Variants in LIMD1 observed in about 807,000 individuals in gnomAD.
The protein encoded by LIMD1 is LIM domain-containing protein 1.
LIMD1 carries 23 observed loss-of-function variants against 58.4 expected under a neutral mutation model. The observed-to-expected ratio is 0.39, with a 90% CI of 0.28 to 0.56. The LOEUF (loss-of-function observed/expected upper bound fraction) is 0.56. Among genes scored for constraint, LIMD1 ranks in the 20% least tolerant of loss-of-function variants. The pLI, the probability that LIMD1 is intolerant of heterozygous loss-of-function variation, is 0.57. For synonymous variants in LIMD1, 334 were observed against 345.5 expected (o/e 0.97, Z 0.37); for missense variants, 838 against 855.5 (o/e 0.98, Z 0.25).
At chr3:45,620,185 A>G (rs1701617114) in intron 1 of LIMD1, among the ~76,000 whole-genome samples, 1 of 152,148 alleles carries the variant, frequency 6.6e-6, no homozygotes, top group South Asian at 2.1e-4. Flanking sequence ...TGTTGATGCA[A>G]AGATCCTGGG....
chr3:45,629,237 C>T (rs557128716), intron 1 of LIMD1, among the ~76,000 whole-genome samples: 3 of 151,746 alleles, frequency 2.0e-5, no homozygotes, highest in Non-Finnish European at 4.4e-5. Context: ...CATGGTGAAA[C>T]TCTTGTCTCT....
At chr3:45,625,068 G>T (rs1701657883) in intron 1 of LIMD1, among the ~76,000 whole-genome samples, 1 of 151,340 alleles carries the variant, frequency 6.6e-6, no homozygotes, top group African/African-American at 2.5e-5. Flanking sequence ...CAGTTTTGCC[G>T]TATGTTAATG....
intron 4 of LIMD1, among the ~76,000 whole-genome samples, chr3:45,672,033 G>A (rs1257040935): frequency 6.6e-6 from 1 of 152,184 alleles, no homozygotes. Flanking sequence ...GACACTGAGA[G>A]GAAGAAGTTT....
intron 1 of LIMD1, among the ~76,000 whole-genome samples, chr3:45,609,515 G>GTTCCTTGGT (rs1701503685): frequency 1.3e-5 from 2 of 152,280 alleles, no homozygotes; most frequent in East Asian, 3.9e-4. Flanking sequence ...GCTCTGAATG[G>GTTCCTTGGT]TTCCTTGGTT....
At chr3:45,630,763 A>G (rs548230574) in intron 1 of LIMD1, among the ~76,000 whole-genome samples, 2 of 152,280 alleles carry the variant, frequency 1.3e-5, no homozygotes, top group South Asian at 4.1e-4. Flanking sequence ...TGCCAACCAG[A>G]TAGTCATAAT....
intron 1 of LIMD1, among the ~76,000 whole-genome samples, chr3:45,626,826 T>G (rs1432115743): frequency 6.7e-6 from 1 of 150,314 alleles, no homozygotes; most frequent in Middle Eastern, 3.2e-3. Flanking sequence ...TGTGCATGTG[T>G]GAGGAAGGGG....
At chr3:45,619,885 C>T (rs1180024964) in intron 1 of LIMD1, among the ~76,000 whole-genome samples, 1 of 140,700 alleles carries the variant, frequency 7.1e-6, no homozygotes, top group Non-Finnish European at 1.5e-5. Flanking sequence ...ATCTGGCAAC[C>T]CTAAATTAAG....
At chr3:45,611,015 C>T (rs1701517869) in intron 1 of LIMD1, among the ~76,000 whole-genome samples, 1 of 152,178 alleles carries the variant, frequency 6.6e-6, no homozygotes, top group Non-Finnish European at 1.5e-5. Flanking sequence ...TAAAATCGCA[C>T]GTGGCTTGCA....
chr3:45,677,779 T>C lies in LIMD1; in HGVS notation c.*720T>C, dbSNP rs951970962. 6.6e-6 allele frequency: 1 copy of C among 152,226 alleles called. No individual in the cohort carries two copies. Among genetic ancestry groups the C allele is most frequent in the African/African-American group, 2.4e-5 (1 of 41,450 alleles). 9.4% of individuals were successfully genotyped at this position (152,226 alleles called of 1,614,324 possible). A position where few individuals can be genotyped will look rare whatever the true frequency, so the allele number is the denominator to read the frequency against. On this transcript the variant is annotated 3_prime_UTR_variant, in exon 8 of 8. Transcript: ENST00000273317. ...GAGTCCGCGACAGAAATTTGCCCTA[T>C]GTGAGTAAAACATACTTTGGGAGAA...
At chr3:45,626,929 TG>T (rs1189139489) in intron 1 of LIMD1, among the ~76,000 whole-genome samples, 1 of 151,736 alleles carries the variant, frequency 6.6e-6, no homozygotes. Flanking sequence ...GAAAAAATAC[TG>T]GAAGGAAATA....
chr3:45,642,750 G>A (rs920552210), intron 2 of LIMD1, among the ~76,000 whole-genome samples: 9 of 152,212 alleles, frequency 5.9e-5, no homozygotes, highest in Admixed American at 3.3e-4. Flanking sequence ...CAGCATCTTC[G>A]TGCAGCATCT....
chr3:45,672,636 T>A (rs1190377550), intron 4 of LIMD1, 54 bp from the exon 5 acceptor site: 22 of 1,598,760 alleles, frequency 1.4e-5, no homozygotes, highest in Non-Finnish European at 1.7e-5. Flanking sequence ...CCTCTCCCCT[T>A]CCACCATCTC....
At chr3:45,630,725 G>C (rs1035825511) in intron 1 of LIMD1, among the ~76,000 whole-genome samples, 1 of 152,032 alleles carries the variant, frequency 6.6e-6, no homozygotes, top group Non-Finnish European at 1.5e-5. Context: ...GGGGGTTGGG[G>C]GGCATGTGTG....
intron 2 of LIMD1, among the ~76,000 whole-genome samples, chr3:45,659,043 A>T (rs1697390053): frequency 6.6e-6 from 1 of 152,196 alleles, no homozygotes; most frequent in Non-Finnish European, 1.5e-5. Context: ...TTCATATTAT[A>T]CATATTTCTA....
intron 1 of LIMD1, among the ~76,000 whole-genome samples, chr3:45,633,946 G>A (rs1207774823): frequency 6.6e-6 from 1 of 152,218 alleles, no homozygotes; most frequent in African/African-American, 2.4e-5. Context: ...AGCCCTGGCA[G>A]ATTGGAGCCA....
chr3:45,604,772 A>G (rs1403561637), intron 1 of LIMD1, among the ~76,000 whole-genome samples: 1 of 152,134 alleles, frequency 6.6e-6, no homozygotes, highest in Non-Finnish European at 1.5e-5. Context: ...GCGTCCCGAC[A>G]TGGATTCCCA....
intron 1 of LIMD1, among the ~76,000 whole-genome samples, chr3:45,633,903 G>A (rs555638393): frequency 6.6e-6 from 1 of 152,230 alleles, no homozygotes; most frequent in East Asian, 1.9e-4. Flanking sequence ...TCTACCCTGT[G>A]GGCAGAAGGC....
In LIMD1 at chr3:45,616,666, A is replaced by G. The variant is rs535986670; in HGVS notation, c.1409-19484A>G. On this transcript the variant is annotated intron_variant, in intron 1 of 7. Coordinates refer to ENST00000273317, the MANE Select transcript of LIMD1 (RefSeq NM_014240.3). Reference sequence around the variant, plus strand: ...GTAGTTGTTCAGGCCCCTCCCTGAAAGATGTGTTGGTTCTTCAAGATTCAC... The same window carrying G: ...GTAGTTGTTCAGGCCCCTCCCTGAAGGATGTGTTGGTTCTTCAAGATTCAC... 1.2e-4 allele frequency among the ~76,000 whole-genome samples: 19 copies of G among 152,226 alleles called. No homozygotes were observed. In the East Asian group the frequency reaches 3.7e-3, roughly 29 times the overall value.
Position 45,681,448 on chromosome 3 carries a change from G to A in LIMD1, c.*4389G>A, listed in dbSNP as rs183716500. On this transcript the variant is annotated 3_prime_UTR_variant, in exon 8 of 8. Transcript: ENST00000273317. ...ACACCACATGGGTTCATGGATCCTG[G>A]CAGAAGTTATGAGACTCATAGGTCA... 2.6e-5 allele frequency: 4 copies of A among 152,330 alleles called. No homozygotes were observed. Among genetic ancestry groups the A allele is most frequent in the African/African-American group, 9.6e-5 (4 of 41,566 alleles). 9.4% of individuals were successfully genotyped at this position (152,330 alleles called of 1,614,324 possible). A position where few individuals can be genotyped will look rare whatever the true frequency, so the allele number is the denominator to read the frequency against.
Sources: gnomAD v4.1 joint callset for allele counts (sites outside exome capture counted in the v4.1 genomes callset) on GRCh38, gnomAD v4.1.1 for gene constraint, MANE v1.5 for transcripts, NCBI Gene and HGNC (gene_info 2026-07-23, HGNC 2026-07-21) for gene names.